The following PDE1C variants were observed in gnomAD, a reference collection of about 807,000 sequenced individuals.
PDE1C encodes the protein phosphodiesterase 1C, also known as dual specificity calcium/calmodulin-dependent 3',5'-cyclic nucleotide phosphodiesterase 1C.
A neutral mutation model predicts 93.1 loss-of-function variants in PDE1C; 62 were observed. The observed-to-expected ratio is 0.67, with a 90% CI of 0.54 to 0.82. The LOEUF is 0.82. Among genes scored for constraint, PDE1C ranks in the 40% least tolerant of loss-of-function variants. The pLI, the probability that PDE1C is intolerant of heterozygous loss-of-function variation, is 0.00. For synonymous variants in PDE1C, 325 were observed against 310.1 expected (o/e 1.05, Z -0.50); for missense variants, 742 against 884.6 (o/e 0.84, Z 2.04).
the PDE1C span, among the ~76,000 whole-genome samples, chr7:31,636,687 C>T: frequency 6.6e-6 from 1 of 151,104 alleles, no homozygotes; most frequent in African/African-American, 2.4e-5. Flanking sequence ...AACTAACAGG[C>T]TGTGGGCCCA....
At chr7:31,708,395 C>G in the PDE1C span, 1 of 152,228 alleles carries the variant, frequency 6.6e-6, no homozygotes, top group Non-Finnish European at 1.5e-5. Flanking sequence ...TTCTGTCTTT[C>G]TGTTCTCACA....
At chr7:32,208,676 G>C (rs1029901257) in intron 2 of PDE1C, among the ~76,000 whole-genome samples, 2 of 152,210 alleles carry the variant, frequency 1.3e-5, no homozygotes, top group African/African-American at 4.8e-5. Flanking sequence ...GGTTTGGGGA[G>C]CGTCTCCACT....
chr7:31,819,370 G>A (rs879740422), intron 14 of PDE1C, among the ~76,000 whole-genome samples: 25 of 152,008 alleles, frequency 1.6e-4, no homozygotes, highest in Non-Finnish European at 2.4e-4. Context: ...TGAAATTATC[G>A]GTATAGATGA....
At chr7:32,102,171 T>G (rs1798073253) in intron 3 of PDE1C, among the ~76,000 whole-genome samples, 1 of 152,174 alleles carries the variant, frequency 6.6e-6, no homozygotes, top group African/African-American at 2.4e-5. Flanking sequence ...CCTATCAGTA[T>G]TCTTGAAGAT....
intron 1 of PDE1C, among the ~76,000 whole-genome samples, chr7:32,242,135 G>C (rs981626741): frequency 1.3e-5 from 2 of 152,118 alleles, no homozygotes; most frequent in Admixed American, 6.5e-5. Context: ...AGTAAGCATG[G>C]TTTACCTGGA....
intron 1 of PDE1C, among the ~76,000 whole-genome samples, chr7:32,379,611 GC>G (rs1784496124): frequency 1.3e-5 from 2 of 152,182 alleles, no homozygotes; most frequent in South Asian, 4.1e-4. Context: ...TTTCTCTCTG[GC>G]CCCTTTTAAT....
At chr7:31,850,535 A>G in intron 8 of PDE1C, 106 bp downstream of exon 8, 1 of 764,470 alleles carries the variant, frequency 1.3e-6, no homozygotes, top group Non-Finnish European at 2.3e-6. Flanking sequence ...TCAGAAATTC[A>G]AAATAGGAAA....
At chr7:32,298,015 T>C (rs1442343165) in intron 1 of PDE1C, among the ~76,000 whole-genome samples, 7 of 26,934 alleles carry the variant, frequency 2.6e-4, no homozygotes, top group African/African-American at 1.2e-3. Context: ...TCTCTCTCTC[T>C]CCCTCTCTCT....
At chr7:32,333,785 C>T (rs985450955) in intron 1 of PDE1C, among the ~76,000 whole-genome samples, 9 of 152,210 alleles carry the variant, frequency 5.9e-5, no homozygotes, top group African/African-American at 2.2e-4. Flanking sequence ...AACTGCTAGA[C>T]GGTTGCAGCA....
chr7:31,771,723 A>T (rs1795500128), intron 17 of PDE1C, among the ~76,000 whole-genome samples: 1 of 152,154 alleles, frequency 6.6e-6, no homozygotes, highest in Admixed American at 6.5e-5. Flanking sequence ...ATGTATAAAA[A>T]GTTTTTAATT....
At chr7:32,101,890 G>A (rs916801781) in intron 3 of PDE1C, among the ~76,000 whole-genome samples, 75 of 152,264 alleles carry the variant, frequency 4.9e-4, no homozygotes, top group African/African-American at 1.7e-3. Context: ...AATCATGATG[G>A]AAGGTGAAGG....
chr7:32,097,557 G>A (rs764428901), intron 3 of PDE1C, among the ~76,000 whole-genome samples: 2 of 152,156 alleles, frequency 1.3e-5, no homozygotes, highest in South Asian at 2.1e-4. Context: ...CTTCATTGCC[G>A]ATACTTGGAG....
rs566369586 is a variant in PDE1C, at chr7:31,753,542, G to A, written c.1972C>T (p.Pro658Ser). 8.4e-5 allele frequency: 135 copies of A among 1,609,508 alleles called. 1 individual carries two copies. The Admixed American group carries it at 1.9e-3, about 22-fold the overall frequency. ...GCAGGGCGTTTAAAATGACGCAAAG[G>A]AGGCTTGATGACTGGCGGCCATGGA... ...CRLTLPVIKP[P>S]LRHFKRPAYA... is the part of the protein sequence containing the mutation. The change falls in exon 18 of 18, where the codon CCT becomes TCT. Residue 658 changes from proline (P) to serine (S), a missense_variant. Transcript: ENST00000396191.
chr7:32,044,052 C>G (rs935669660), intron 2 of PDE1C, among the ~76,000 whole-genome samples: 1 of 152,150 alleles, frequency 6.6e-6, no homozygotes, highest in Non-Finnish European at 1.5e-5. Context: ...ATCTGTCATG[C>G]CCAATGCTTT....
intron 2 of PDE1C, among the ~76,000 whole-genome samples, chr7:31,967,207 C>T (rs986614235): frequency 9.9e-5 from 15 of 152,044 alleles, no homozygotes; most frequent in Admixed American, 3.3e-4. Context: ...ATTGATAGAC[C>T]GCTAGCAAGA....
chr7:32,176,429 G>A (rs529458616), intron 2 of PDE1C, among the ~76,000 whole-genome samples: 1 of 152,096 alleles, frequency 6.6e-6, no homozygotes, highest in African/African-American at 2.4e-5. Flanking sequence ...AGGATGAGTT[G>A]GGAATAAGTA....
chr7:32,023,996 C>T (rs1319836726), intron 2 of PDE1C, among the ~76,000 whole-genome samples: 1 of 152,084 alleles, frequency 6.6e-6, no homozygotes, highest in South Asian at 2.1e-4. Flanking sequence ...CCTGAGGGAG[C>T]TGGAAGGTGA....
chr7:32,406,583 C>T (rs935775260), intron 1 of PDE1C, among the ~76,000 whole-genome samples: 25 of 150,362 alleles, frequency 1.7e-4, no homozygotes, highest in African/African-American at 5.6e-4. Context: ...GTATAAAATG[C>T]TGAGCAAGGT....
the PDE1C span, among the ~76,000 whole-genome samples, chr7:31,709,977 C>G: frequency 6.6e-6 from 1 of 152,076 alleles, no homozygotes; most frequent in Non-Finnish European, 1.5e-5. Context: ...CAGAGAGACT[C>G]TGTCTCCACA....
Sources: gnomAD v4.1 joint callset for allele counts (sites outside exome capture counted in the v4.1 genomes callset) on GRCh38, gnomAD v4.1.1 for gene constraint, MANE v1.5 for transcripts, NCBI Gene and HGNC (gene_info 2026-07-23, HGNC 2026-07-21) for gene names.